The following CCDC91 variants were observed in gnomAD, a reference collection of about 807,000 sequenced individuals.
CCDC91 encodes the protein coiled-coil domain-containing protein 91.
In CCDC91, 48 loss-of-function variants were observed where a neutral mutation model predicts 63.2. The observed-to-expected ratio is 0.76, with a 90% CI of 0.60 to 0.97. The LOEUF (loss-of-function observed/expected upper bound fraction) is 0.97. CCDC91 is among the 50% of genes least tolerant of loss of function. The probability of loss-of-function intolerance (pLI) is 0.00; values close to 1 mark genes in which losing one functional copy is unlikely to be tolerated. For missense variants in CCDC91, 500 were observed against 494.6 expected (o/e 1.01, Z -0.10); for synonymous variants, 167 against 165.8 (o/e 1.01, Z -0.06).
intron 8 of CCDC91, among the ~76,000 whole-genome samples, chr12:28,428,116 A>G (rs1454672703): frequency 6.6e-6 from 1 of 152,174 alleles, no homozygotes; most frequent in East Asian, 1.9e-4. Context: ...AGTACTTAAT[A>G]TTCTCTTTTT....
intron 6 of CCDC91, among the ~76,000 whole-genome samples, chr12:28,334,038 TTATG>T (rs1336447138): frequency 2.6e-5 from 4 of 151,170 alleles, no homozygotes; most frequent in African/African-American, 9.7e-5. Context: ...CTGGCAGAAT[TTATG>T]TGTGTGTGTG....
At chr12:28,474,441 G>T (rs1950977266) in intron 11 of CCDC91, among the ~76,000 whole-genome samples, 1 of 151,934 alleles carries the variant, frequency 6.6e-6, no homozygotes, top group African/African-American at 2.4e-5. Flanking sequence ...TAATCTAGTG[G>T]ATTGTACCAA....
chr12:28,238,132 G>A (rs1168638164), intron 1 of CCDC91, among the ~76,000 whole-genome samples: 4 of 152,120 alleles, frequency 2.6e-5, no homozygotes, highest in Non-Finnish European at 5.9e-5. Flanking sequence ...TGAATGGAAA[G>A]ATATACCACA....
chr12:28,206,706 TC>T (rs1942882579), intron 1 of CCDC91, among the ~76,000 whole-genome samples: 1 of 152,244 alleles, frequency 6.6e-6, no homozygotes, highest in Non-Finnish European at 1.5e-5. Flanking sequence ...TGCAGGTACT[TC>T]TGTGTTTAGC....
intron 3 of CCDC91, chr12:28,268,670 C>T (rs1334682747): frequency 5.1e-6 from 5 of 984,902 alleles, no homozygotes; most frequent in Non-Finnish European, 3.6e-6. Flanking sequence ...CAGAGCAAGC[C>T]CCGTGTCTGA....
intron 6 of CCDC91, among the ~76,000 whole-genome samples, chr12:28,319,820 G>T (rs1940296473): frequency 6.6e-6 from 1 of 151,660 alleles, no homozygotes; most frequent in Non-Finnish European, 1.5e-5. Flanking sequence ...ATAATAAGAA[G>T]AGAAAAAGTC....
At chr12:28,483,582 T>G (rs1951559145) in intron 11 of CCDC91, among the ~76,000 whole-genome samples, 2 of 152,116 alleles carry the variant, frequency 1.3e-5, no homozygotes, top group Non-Finnish European at 2.9e-5. Flanking sequence ...TCACAACATC[T>G]TAATCTGGCA....
intron 1 of CCDC91, among the ~76,000 whole-genome samples, chr12:28,221,730 A>G (rs1943966470): frequency 6.6e-6 from 1 of 152,172 alleles, no homozygotes; most frequent in African/African-American, 2.4e-5. Context: ...CTTGCCAGCT[A>G]TGTGTGAACT....
intron 7 of CCDC91, among the ~76,000 whole-genome samples, chr12:28,376,424 T>A (rs1307180118): frequency 6.6e-6 from 1 of 151,670 alleles, no homozygotes; most frequent in Non-Finnish European, 1.5e-5. Context: ...AAGAAAAAAG[T>A]GAGTTTTAGC....
intron 7 of CCDC91, among the ~76,000 whole-genome samples, chr12:28,388,257 G>A (rs371399512): frequency 1.3e-5 from 2 of 151,914 alleles, no homozygotes; most frequent in African/African-American, 4.8e-5. Flanking sequence ...GTAAGTCCTA[G>A]CCAGAGCAAT....
intron 7 of CCDC91, among the ~76,000 whole-genome samples, chr12:28,388,766 C>T (rs756894390): frequency 6.6e-6 from 1 of 152,074 alleles, no homozygotes; most frequent in South Asian, 2.1e-4. Context: ...AAAGGACACC[C>T]TTTTCAACAA....
At chr12:28,350,060 TC>T (rs1382399707) in intron 6 of CCDC91, among the ~76,000 whole-genome samples, 2 of 152,234 alleles carry the variant, frequency 1.3e-5, no homozygotes, top group East Asian at 3.8e-4. Flanking sequence ...TGTCTTTTTT[TC>T]ATTTTGCTAT....
chr12:28,530,292 G>A (rs535076628), intron 12 of CCDC91, among the ~76,000 whole-genome samples: 6 of 152,142 alleles, frequency 3.9e-5, no homozygotes, highest in Non-Finnish European at 7.3e-5. Context: ...TCAAACTAGC[G>A]TATGAGAGAG....
intron 7 of CCDC91, among the ~76,000 whole-genome samples, chr12:28,379,040 A>G (rs1388518928): frequency 6.6e-6 from 1 of 152,126 alleles, no homozygotes; most frequent in Non-Finnish European, 1.5e-5. Flanking sequence ...GCTTGCCTTT[A>G]TACTGTGACT....
intron 1 of CCDC91, among the ~76,000 whole-genome samples, chr12:28,250,173 T>A (rs976338199): frequency 6.6e-6 from 1 of 152,104 alleles, no homozygotes; most frequent in South Asian, 2.1e-4. Context: ...GTAAATGTCT[T>A]GTAGTTTTTA....
At chr12:28,520,982 G>A (rs1388302240) in intron 12 of CCDC91, among the ~76,000 whole-genome samples, 1 of 152,136 alleles carries the variant, frequency 6.6e-6, no homozygotes, top group Non-Finnish European at 1.5e-5. Flanking sequence ...TAGCCTTGTA[G>A]TATAGTTTGA....
At chr12:28,195,009 A>G (rs539085794) in intron 1 of CCDC91, among the ~76,000 whole-genome samples, 58 of 152,332 alleles carry the variant, frequency 3.8e-4, no homozygotes, top group African/African-American at 1.3e-3. Context: ...CAAAGCTTCC[A>G]CAGCATGGAA....
chr12:28,293,139 A>G (rs555617988), intron 3 of CCDC91, among the ~76,000 whole-genome samples: 2 of 152,364 alleles, frequency 1.3e-5, no homozygotes, highest in African/African-American at 4.8e-5. Flanking sequence ...ATTAACAGCA[A>G]GAGTGTCTTG....
intron 1 of CCDC91, among the ~76,000 whole-genome samples, chr12:28,194,132 ATT>A (rs76780538): frequency 6.6e-6 from 1 of 151,778 alleles, no homozygotes; most frequent in Non-Finnish European, 1.5e-5. Context: ...CGTTGCAAAG[ATT>A]TTTTTTCTTA....
Sources: gnomAD v4.1 joint callset for allele counts (sites outside exome capture counted in the v4.1 genomes callset) on GRCh38, gnomAD v4.1.1 for gene constraint, MANE v1.5 for transcripts, NCBI Gene and HGNC (gene_info 2026-07-23, HGNC 2026-07-21) for gene names.